The following CACNA2D1 variants were observed in gnomAD, a reference collection of about 807,000 sequenced individuals.
The protein encoded by CACNA2D1 is calcium voltage-gated channel auxiliary subunit alpha2delta 1.
A neutral mutation model predicts 171.5 loss-of-function variants in CACNA2D1; 53 were observed. The observed-to-expected ratio is 0.31, with a 90% confidence interval of 0.25 to 0.39. The LOEUF is 0.39. Ranked by LOEUF, CACNA2D1 falls within the 10% of genes least tolerant of loss-of-function variation. The probability of loss-of-function intolerance (pLI) is 1.00; values close to 1 mark genes in which losing one functional copy is unlikely to be tolerated. For missense variants in CACNA2D1, 903 were observed against 1,299.8 expected (o/e 0.69, Z 4.69); for synonymous variants, 442 against 443.1 (o/e 1.00, Z 0.03).
At chr7:81,963,989 C>T in intron 34 of CACNA2D1, 67 bp downstream of exon 34, 2 of 1,318,414 alleles carry the variant, frequency 1.5e-6, no homozygotes, top group African/African-American at 1.5e-5. Flanking sequence ...TCCATATTTT[C>T]ATCAGATGCT....
At chr7:82,039,125 T>TA (rs1031663350) in intron 10 of CACNA2D1, among the ~76,000 whole-genome samples, 17 of 151,858 alleles carry the variant, frequency 1.1e-4, no homozygotes, top group South Asian at 6.2e-4. Flanking sequence ...ATGGGAATAA[T>TA]AAAAAAAAGC....
chr7:82,283,720 C>T (rs1429737278), intron 3 of CACNA2D1, among the ~76,000 whole-genome samples: 3 of 151,752 alleles, frequency 2.0e-5, no homozygotes, highest in Non-Finnish European at 4.4e-5. Flanking sequence ...CATTAAATTG[C>T]ATAAGGGAAA....
chr7:82,233,621 C>A (rs1367736903), intron 3 of CACNA2D1, among the ~76,000 whole-genome samples: 1 of 152,040 alleles, frequency 6.6e-6, no homozygotes, highest in East Asian at 1.9e-4. Context: ...ATCAAATTGG[C>A]ACTAGTAGGG....
Position 82,085,765 on chromosome 7 carries a change from G to A in CACNA2D1, c.527-865C>T, listed in dbSNP as rs537812062. On this transcript the variant is annotated intron_variant, in intron 6 of 38. Transcript: ENST00000356860. ...AGGGCCAGGTGATTGATTTTGATAC[G>A]TATTTATAACTAGAAACTAATCTTG... 7.3e-5 allele frequency among the ~76,000 whole-genome samples: 11 copies of A among 151,386 alleles called. No individual in the cohort carries two copies. The South Asian group carries it at 1.0e-3, about 14-fold the overall frequency.
chr7:82,418,650 C>T (rs1828418198), intron 1 of CACNA2D1, among the ~76,000 whole-genome samples: 1 of 152,100 alleles, frequency 6.6e-6, no homozygotes, highest in South Asian at 2.1e-4. Flanking sequence ...TTCTATAATA[C>T]ACCACTTTGT....
Position 82,117,093 on chromosome 7 carries a change from T to A in CACNA2D1, c.477A>T (p.Ile159=), listed in dbSNP as rs1789144043. 2 of 1,613,954 alleles carry A rather than the reference T, an allele frequency of 1.2e-6. No individual in the cohort carries two copies. Among genetic ancestry groups the A allele is most frequent in the Non-Finnish European group, 1.7e-6 (2 of 1,179,892 alleles). The change falls in exon 6 of 39, where the codon ATA becomes ATT. Residue 159 remains isoleucine, a synonymous_variant. Coordinates refer to ENST00000356860, the MANE Select transcript of CACNA2D1 (RefSeq NM_000722.4). ...TATGGACTGCTGCGTGCTGATAAGATATTTGTCGTCCAAAATTAGCATCTT... is the reference window on the plus strand; with the variant it reads ...TATGGACTGCTGCGTGCTGATAAGAAATTTGTCGTCCAAAATTAGCATCTT... ...FIEDANFGRQ[I]SYQHAAVHIP... is the part of the protein sequence containing the mutation.
At chr7:82,378,991 T>G (rs1403372068) in intron 1 of CACNA2D1, among the ~76,000 whole-genome samples, 1 of 147,534 alleles carries the variant, frequency 6.8e-6, no homozygotes, top group South Asian at 2.2e-4. Flanking sequence ...GTGTGTGTTA[T>G]ACTCGGGAGC....
chr7:82,399,332 C>T (rs145790174), intron 1 of CACNA2D1, among the ~76,000 whole-genome samples: 282 of 151,814 alleles, frequency 1.9e-3, no homozygotes, highest in African/African-American at 6.3e-3. Flanking sequence ...CCCAGCTACT[C>T]GAGAGGCTCA....
At chr7:82,167,010 G>C (rs2129142260) in intron 4 of CACNA2D1, among the ~76,000 whole-genome samples, 1 of 152,112 alleles carries the variant, frequency 6.6e-6, no homozygotes, top group East Asian at 1.9e-4. Flanking sequence ...TAATATTAAT[G>C]AAACTTGCCT....
At position 82,300,093 on chromosome 7, in the gene CACNA2D1, G is replaced by T. The variant is rs138317543; in HGVS notation, c.294+35042C>A. Among the ~76,000 whole-genome samples, 24 of 152,264 alleles carry T rather than the reference G, an allele frequency of 1.6e-4. No homozygotes were observed. In the East Asian group the frequency reaches 4.6e-3, roughly 29 times the overall value. ...TCTCTCATTCAGAATAACAATAGGG[G>T]TGGGTGTCTGATTTAAACAACATCG... is the stretch of plus-strand genomic sequence containing the variant. On this transcript the variant is annotated intron_variant, in intron 3 of 38. Coordinates refer to ENST00000356860, the MANE Select transcript of CACNA2D1 (RefSeq NM_000722.4).
intron 1 of CACNA2D1, among the ~76,000 whole-genome samples, chr7:82,430,447 T>C (rs1266373481): frequency 6.6e-6 from 1 of 150,644 alleles, no homozygotes; most frequent in Non-Finnish European, 1.5e-5. Flanking sequence ...ATTCCTGGCA[T>C]TGAAAGCTTG....
intron 13 of CACNA2D1, 30 bp downstream of exon 13, chr7:82,014,370 CT>C (rs781264518): frequency 2.0e-5 from 24 of 1,201,110 alleles, no homozygotes; most frequent in Non-Finnish European, 2.9e-5. Context: ...AGTTTTTCTT[CT>C]AATTTATTAG....
chr7:82,406,131 C>T (rs1585846048), intron 1 of CACNA2D1, among the ~76,000 whole-genome samples: 1 of 151,978 alleles, frequency 6.6e-6, no homozygotes, highest in Admixed American at 6.6e-5. Flanking sequence ...TGAGTGAGAA[C>T]ATGCGGTGTT....
Position 82,443,616 on chromosome 7 carries a change from G to C in CACNA2D1, c.-157C>G, listed in dbSNP as rs79572976. 0.071 allele frequency: 95,844 copies of C among 1,358,386 alleles called. 3,706 individuals are homozygous for C. The highest frequency in any genetic ancestry group is 0.095 in the Middle Eastern group (348 of 3,658). The allele number at this position is 1,358,386 out of a possible 1,614,324, so 84.1% of individuals were successfully genotyped here. A position where few individuals can be genotyped will look rare whatever the true frequency, so the allele number is the denominator to read the frequency against. Reference sequence around the variant, plus strand: ...GCCCGAGGCGCGGAGCCGCGCGGGGGACGGCAAGGGCGGGAGCGGACGCCG... The same window carrying C: ...GCCCGAGGCGCGGAGCCGCGCGGGGCACGGCAAGGGCGGGAGCGGACGCCG... On this transcript the variant is annotated 5_prime_UTR_variant, in exon 1 of 39. Transcript: ENST00000356860.
intron 6 of CACNA2D1, among the ~76,000 whole-genome samples, chr7:82,114,918 C>T (rs1422189284): frequency 1.3e-5 from 2 of 152,082 alleles, no homozygotes; most frequent in African/African-American, 4.8e-5. Flanking sequence ...ACAAAATGTT[C>T]ATAGAGCAAA....
intron 12 of CACNA2D1, among the ~76,000 whole-genome samples, chr7:82,030,120 A>C (rs1450415343): frequency 6.6e-6 from 1 of 151,816 alleles, no homozygotes; most frequent in Non-Finnish European, 1.5e-5. Flanking sequence ...CTTTGTTTAA[A>C]AAGTTGAGCT....
chr7:81,972,720 C>A (rs1286129674), intron 25 of CACNA2D1, among the ~76,000 whole-genome samples: 2 of 151,896 alleles, frequency 1.3e-5, no homozygotes, highest in Non-Finnish European at 2.9e-5. Flanking sequence ...CTGAAATACC[C>A]TAACAGGTAC....
intron 7 of CACNA2D1, among the ~76,000 whole-genome samples, chr7:82,074,775 G>A (rs1206655759): frequency 6.6e-6 from 1 of 151,660 alleles, no homozygotes; most frequent in Non-Finnish European, 1.5e-5. Context: ...TTTTAATTTT[G>A]TTTCTGGGCA....
chr7:82,106,217 A>G (rs944978286), intron 6 of CACNA2D1, among the ~76,000 whole-genome samples: 2 of 152,292 alleles, frequency 1.3e-5, no homozygotes, highest in East Asian at 1.9e-4. Context: ...GGAGAAATCG[A>G]GTAAGATTTT....
Sources: gnomAD v4.1 joint callset for allele counts (sites outside exome capture counted in the v4.1 genomes callset) on GRCh38, gnomAD v4.1.1 for gene constraint, MANE v1.5 for transcripts, NCBI Gene and HGNC (gene_info 2026-07-23, HGNC 2026-07-21) for gene names.